SPATA6: variants seen among roughly 807,000 people sequenced by gnomAD.
The protein encoded by SPATA6 is spermatogenesis associated 6.
SPATA6 carries 56 observed loss-of-function variants against 65.3 expected under a neutral mutation model. The observed-to-expected ratio is 0.86, with a 90% CI of 0.69 to 1.07. SPATA6 has a LOEUF of 1.07. Among genes scored for constraint, SPATA6 ranks in the 50% least tolerant of loss-of-function variants. The pLI is 0.00. For missense variants in SPATA6, 590 were observed against 594.8 expected, an observed-to-expected ratio of 0.99 and a Z score of 0.08; for synonymous variants, 199 against 213.2, an observed-to-expected ratio of 0.93 and a Z score of 0.58.
chr1:48,360,260 T>C (rs1199181553), intron 9 of SPATA6, among the ~76,000 whole-genome samples: 1 of 151,578 alleles, frequency 6.6e-6, no homozygotes, highest in Non-Finnish European at 1.5e-5. Flanking sequence ...AAATATATAT[T>C]CTAATAAGAA....
rs773946642 is a variant in SPATA6 at position 48,396,955 on chromosome 1, A to T, written c.781-1601T>A. Among the ~76,000 whole-genome samples the T allele has an allele frequency of 5.9e-4, 90 of 151,712 alleles. 1 individual carries two copies. Among genetic ancestry groups the T allele is most frequent in the Non-Finnish European group, 6.5e-4 (44 of 67,678 alleles). ...ATATAACCACAATTTAAAAAAACAA[A>T]TTTTTTTAAAAGACAGCCCACACAA... On this transcript the variant is annotated intron_variant, in intron 7 of 12. Coordinates refer to ENST00000371847, the MANE Select transcript of SPATA6 (RefSeq NM_019073.4).
At chr1:48,305,920 G>T in intron 11 of SPATA6, 42 bp from the exon 12 acceptor site, 3 of 1,476,212 alleles carry the variant, frequency 2.0e-6, no homozygotes, top group Non-Finnish European at 2.8e-6. Flanking sequence ...CTGTCTCATT[G>T]TCCCCAAAAT....
intron 12 of SPATA6, among the ~76,000 whole-genome samples, chr1:48,303,640 T>A (rs1328470461): frequency 6.6e-6 from 1 of 152,206 alleles, no homozygotes; most frequent in Admixed American, 6.6e-5. Context: ...TTGTGTATAT[T>A]TTCCACATCT....
chr1:48,302,959 C>T (rs1348279976), intron 12 of SPATA6, among the ~76,000 whole-genome samples: 1 of 151,982 alleles, frequency 6.6e-6, no homozygotes, highest in African/African-American at 2.4e-5. Context: ...ATTTCCCATG[C>T]TCTGCTCCAT....
intron 1 of SPATA6, among the ~76,000 whole-genome samples, chr1:48,470,918 C>G (rs1658189083): frequency 6.6e-6 from 1 of 152,036 alleles, no homozygotes; most frequent in Non-Finnish European, 1.5e-5. Context: ...AGCGAAGAGA[C>G]CGAATGGTGA....
At chr1:48,285,904 CCAA>C in the SPATA6 span, among the ~76,000 whole-genome samples, 1 of 152,170 alleles carries the variant, frequency 6.6e-6, no homozygotes, top group Non-Finnish European at 1.5e-5. Context: ...CAGCCACCCC[CCAA>C]CATCTTTTTT....
At position 48,295,970 on chromosome 1, in the gene SPATA6, T is replaced by C. The variant is rs974890680; in HGVS notation, c.*2743A>G. 6.6e-6 allele frequency: 1 copy of C among 152,100 alleles called. No homozygotes were observed. Among genetic ancestry groups the C allele is most frequent in the Admixed American group, 6.6e-5 (1 of 15,262 alleles). 9.4% of individuals were successfully genotyped at this position (152,100 alleles called of 1,614,324 possible). A position where few individuals can be genotyped will look rare whatever the true frequency, so the allele number is the denominator to read the frequency against. On this transcript the variant is annotated 3_prime_UTR_variant, in exon 13 of 13. Transcript: ENST00000371847. ...AGCATAAATGACTTAAATAAGGTTA[T>C]ATAACTAGCTAGTAGAACCAAGGAA...
intron 5 of SPATA6, among the ~76,000 whole-genome samples, chr1:48,410,502 A>G (rs1034234415): frequency 1.3e-5 from 2 of 152,212 alleles, no homozygotes; most frequent in Admixed American, 6.5e-5. Flanking sequence ...ATCTTATAGC[A>G]ATGCCACACT....
downstream of SPATA6, among the ~76,000 whole-genome samples, chr1:48,294,834 C>T (rs111988366): frequency 6.6e-6 from 1 of 152,176 alleles, no homozygotes; most frequent in African/African-American, 2.4e-5. Flanking sequence ...ACCTTGCACA[C>T]CACTTCTAGC....
chr1:48,286,622 C>A, the SPATA6 span, among the ~76,000 whole-genome samples: 1 of 152,102 alleles, frequency 6.6e-6, no homozygotes, highest in Admixed American at 6.6e-5. Flanking sequence ...TATCATCCTT[C>A]CAATTTAGAT....
intron 10 of SPATA6, among the ~76,000 whole-genome samples, chr1:48,357,531 T>A (rs1254312309): frequency 6.6e-6 from 1 of 152,144 alleles, no homozygotes; most frequent in Non-Finnish European, 1.5e-5. Context: ...ACAGATAAAC[T>A]CCTATAACTG....
intron 9 of SPATA6, among the ~76,000 whole-genome samples, chr1:48,380,668 G>A (rs1216002135): frequency 6.6e-6 from 1 of 152,126 alleles, no homozygotes; most frequent in Non-Finnish European, 1.5e-5. Flanking sequence ...TAATATGCTA[G>A]GTACTACCAA....
intron 3 of SPATA6, among the ~76,000 whole-genome samples, chr1:48,438,463 T>C (rs1470245943): frequency 1.3e-5 from 2 of 152,156 alleles, no homozygotes; most frequent in East Asian, 3.9e-4. Flanking sequence ...AACCCCCAAC[T>C]CTTCAAAGTT....
chr1:48,468,598 C>CA (rs1246691667), intron 1 of SPATA6, among the ~76,000 whole-genome samples: 6 of 151,750 alleles, frequency 4.0e-5, no homozygotes, highest in Non-Finnish European at 5.9e-5. Context: ...GAAAGGGGAA[C>CA]AAGGGAATTG....
At chr1:48,380,247 T>C (rs546619836) in intron 9 of SPATA6, among the ~76,000 whole-genome samples, 2 of 152,262 alleles carry the variant, frequency 1.3e-5, no homozygotes, top group Non-Finnish European at 2.9e-5. Context: ...CTTGAATATT[T>C]ATTAACTAAC....
At chr1:48,463,318 A>G (rs1657581549) in intron 1 of SPATA6, among the ~76,000 whole-genome samples, 1 of 152,162 alleles carries the variant, frequency 6.6e-6, no homozygotes, top group Non-Finnish European at 1.5e-5. Flanking sequence ...AAGATAATAT[A>G]TATGTATATG....
intron 9 of SPATA6, among the ~76,000 whole-genome samples, chr1:48,372,417 C>A (rs1421970253): frequency 6.6e-6 from 1 of 152,216 alleles, no homozygotes; most frequent in East Asian, 1.9e-4. Flanking sequence ...CCAGCTCACA[C>A]TGATGCAAGA....
At chr1:48,308,466 G>A (rs1166902076) in intron 11 of SPATA6, among the ~76,000 whole-genome samples, 3 of 152,064 alleles carry the variant, frequency 2.0e-5, no homozygotes, top group Non-Finnish European at 4.4e-5. Context: ...TCTTAAATCA[G>A]ATATAAGAAC....
chr1:48,314,028 A>C (rs1033981456), intron 11 of SPATA6, among the ~76,000 whole-genome samples: 1 of 152,130 alleles, frequency 6.6e-6, no homozygotes, highest in Non-Finnish European at 1.5e-5. Flanking sequence ...CAGGAGCATC[A>C]AGATTCATAA....
Sources: gnomAD v4.1 joint callset for allele counts (sites outside exome capture counted in the v4.1 genomes callset) on GRCh38, gnomAD v4.1.1 for gene constraint, MANE v1.5 for transcripts, NCBI Gene and HGNC (gene_info 2026-07-23, HGNC 2026-07-21) for gene names.